The following AKAP10 variants were observed in gnomAD, a reference collection of about 807,000 sequenced individuals.
AKAP10 encodes A-kinase anchor protein 10, mitochondrial.
In AKAP10, 24 loss-of-function variants were observed where a neutral mutation model predicts 80.8. That is an observed-to-expected ratio of 0.30 (90% CI 0.22 to 0.42). AKAP10 has a LOEUF of 0.42. Ranked by LOEUF, AKAP10 falls within the 10% of genes least tolerant of loss-of-function variation. AKAP10 has a pLI of 1.00. For synonymous variants in AKAP10, 291 were observed against 277.7 expected, an observed-to-expected ratio of 1.05 and a Z score of -0.48; for missense variants, 661 against 794.9, an observed-to-expected ratio of 0.83 and a Z score of 2.03.
intron 2 of AKAP10, among the ~76,000 whole-genome samples, chr17:19,965,371 G>A (rs933900654): frequency 6.6e-6 from 1 of 152,014 alleles, no homozygotes; most frequent in South Asian, 2.1e-4. Flanking sequence ...AAACTTCCGG[G>A]GTCTCCATCC....
chr17:19,936,061 T>C (rs1192472997), intron 9 of AKAP10: 9 of 370,726 alleles, frequency 2.4e-5, no homozygotes, highest in Admixed American at 4.5e-5. Context: ...CTTTGATCCA[T>C]TATAATCGTA....
At chr17:19,948,649 G>C (rs967788529) in intron 4 of AKAP10, among the ~76,000 whole-genome samples, 9 of 152,126 alleles carry the variant, frequency 5.9e-5, no homozygotes, top group African/African-American at 2.2e-4. Context: ...CAACAGGAAA[G>C]GGATAAAGGG....
At chr17:19,927,459 A>G (rs2042886951) in intron 10 of AKAP10, among the ~76,000 whole-genome samples, 1 of 152,238 alleles carries the variant, frequency 6.6e-6, no homozygotes, top group Admixed American at 6.5e-5. Context: ...TCTAGAATAT[A>G]TAAAGGACTC....
At chr17:19,946,261 A>ATATATATAT (rs2043123221) in intron 5 of AKAP10, among the ~76,000 whole-genome samples, 1 of 25,760 alleles carries the variant, frequency 3.9e-5, no homozygotes, top group Non-Finnish European at 6.6e-5. Flanking sequence ...ATATATATAT[A>ATATATATAT]TATATATATA....
chr17:19,920,080 A>G lies in AKAP10; in HGVS notation c.1790T>C (p.Phe597Ser). ...TFGRVSDLGQ[F>S]IRESEPEPDV... ...AGGTTCAGGCTCAGATTCTCGGATGAATTGCCCCAAGTCACTGACTCTTCC... is the reference window on the plus strand; with the variant it reads ...AGGTTCAGGCTCAGATTCTCGGATGGATTGCCCCAAGTCACTGACTCTTCC... The change falls in exon 12 of 15, where the codon TTC (phenylalanine) becomes TCC (serine). Residue 597 changes from phenylalanine (F) to serine (S), a missense_variant. Coordinates refer to ENST00000225737, the MANE Select transcript of AKAP10 (RefSeq NM_007202.4). The G allele has an allele frequency of 6.2e-7, 1 of 1,613,698 alleles. No homozygotes were observed. The highest frequency in any genetic ancestry group is 8.5e-7 in the Non-Finnish European group (1 of 1,179,660).
At chr17:19,923,228 C>A (rs140016456) in intron 11 of AKAP10, among the ~76,000 whole-genome samples, 92 of 152,074 alleles carry the variant, frequency 6.0e-4, no homozygotes, top group African/African-American at 2.1e-3. Context: ...CAGGCACACG[C>A]CACCACGCCC....
intron 12 of AKAP10, among the ~76,000 whole-genome samples, chr17:19,916,539 A>C (rs1230759693): frequency 2.6e-5 from 4 of 152,158 alleles, no homozygotes; most frequent in African/African-American, 9.7e-5. Flanking sequence ...CAGAAACTGC[A>C]AACACCGAAC....
chr17:19,913,787 A>G (rs1345010933), intron 12 of AKAP10, among the ~76,000 whole-genome samples: 1 of 152,202 alleles, frequency 6.6e-6, no homozygotes, highest in African/African-American at 2.4e-5. Context: ...AAGTTTAAAA[A>G]ATGATTTTTT....
intron 14 of AKAP10, among the ~76,000 whole-genome samples, chr17:19,907,404 C>G (rs1187516108): frequency 6.8e-6 from 1 of 146,904 alleles, no homozygotes; most frequent in African/African-American, 2.5e-5. Flanking sequence ...CTCTTGTTTT[C>G]TTTAACTTTT....
intron 9 of AKAP10, 61 bp downstream of exon 9, chr17:19,936,224 TA>T: frequency 6.5e-7 from 1 of 1,542,920 alleles, no homozygotes. Flanking sequence ...TCCCACCTTA[TA>T]TTTTATGAGT....
intron 5 of AKAP10, 61 bp from the exon 6 acceptor site, chr17:19,941,971 G>C: frequency 6.7e-7 from 1 of 1,481,698 alleles, no homozygotes; most frequent in Non-Finnish European, 9.2e-7. Flanking sequence ...ATACACACTT[G>C]TGAATCAACT....
Position 19,958,238 on chromosome 17 carries a change from G to A in AKAP10, c.653C>T (p.Thr218Ile). 1.2e-6 allele frequency: 2 copies of A among 1,614,192 alleles called. No homozygotes were observed. Among genetic ancestry groups the A allele is most frequent in the Non-Finnish European group, 1.7e-6 (2 of 1,180,040 alleles). The change falls in exon 4 of 15, where the codon ACT becomes ATT. Residue 218 changes from threonine to isoleucine, a missense_variant. Coordinates refer to ENST00000225737, the MANE Select transcript of AKAP10 (RefSeq NM_007202.4). ...ATTCAGGTCAATTCCTTCTGAATGA[G>A]TCATAAACAACTGTGCTGAGCCAGA... ...EDSGSAQLFM[T>I]HSEGIDLNNR...
chr17:19,923,660 G>A (rs2042842868), intron 11 of AKAP10, among the ~76,000 whole-genome samples: 1 of 152,032 alleles, frequency 6.6e-6, no homozygotes, highest in African/African-American at 2.4e-5. Context: ...CCAAGTAGCT[G>A]GGACTACAGG....
intron 1 of AKAP10, among the ~76,000 whole-genome samples, chr17:19,976,888 T>C (rs1013824545): frequency 6.6e-6 from 1 of 152,218 alleles, no homozygotes; most frequent in African/African-American, 2.4e-5. Flanking sequence ...AGACCCATAC[T>C]TGCTCACTTC....
chr17:19,911,835 C>CAAAAAAAAAAAA lies in AKAP10; in HGVS notation c.1835-1869_1835-1858dup, dbSNP rs71157844. ...CGGCAACAAGAGCAAAACTCTGTCA[C>CAAAAAAAAAAAA]AAAAAAAAAAAAAAAAAAAAAAAAA... On this transcript the variant is annotated intron_variant, in intron 12 of 14. Coordinates refer to ENST00000225737, the MANE Select transcript of AKAP10 (RefSeq NM_007202.4). Among the ~76,000 whole-genome samples, 42 of 55,008 alleles carry CAAAAAAAAAAAA rather than the reference C, an allele frequency of 7.6e-4. 5 individuals are homozygous for CAAAAAAAAAAAA. Among genetic ancestry groups the CAAAAAAAAAAAA allele is most frequent in the Admixed American group, 1.1e-3 (3 of 2,840 alleles). 36.1% of individuals were successfully genotyped at this position (55,008 alleles called of 152,430 possible).
intron 5 of AKAP10, among the ~76,000 whole-genome samples, chr17:19,946,237 T>TATTATATATA (rs1491288818): frequency 4.6e-3 from 70 of 15,116 alleles, no homozygotes; most frequent in Non-Finnish European, 6.0e-3. Context: ...TATATATATA[T>TATTATATATA]TATATATATA....
chr17:19,931,762 G>A (rs1192526889), intron 10 of AKAP10, 43 bp downstream of exon 10: 1 of 1,562,800 alleles, frequency 6.4e-7, no homozygotes, highest in Non-Finnish European at 8.7e-7. Flanking sequence ...AGGAAAGGAT[G>A]TGTATGCTTT....
intron 4 of AKAP10, among the ~76,000 whole-genome samples, chr17:19,956,595 T>C (rs1212036324): frequency 1.3e-4 from 20 of 152,222 alleles, no homozygotes; most frequent in Admixed American, 1.2e-3. Context: ...CTTGCTGTGT[T>C]GCCCAGGTTG....
chr17:19,938,620 C>T (rs755604756), intron 8 of AKAP10, among the ~76,000 whole-genome samples: 1 of 152,222 alleles, frequency 6.6e-6, no homozygotes, highest in Non-Finnish European at 1.5e-5. Context: ...TCAGGAACCA[C>T]TGGCCTAGAT....
Sources: allele counts gnomAD v4.1 joint callset (sites outside exome capture counted in the v4.1 genomes callset), GRCh38; gene constraint gnomAD v4.1.1; transcripts MANE v1.5; gene names NCBI Gene and HGNC (gene_info 2026-07-23, HGNC 2026-07-21).